PPP3CA: variants seen among roughly 807,000 people sequenced by gnomAD.
PPP3CA encodes the protein CAM-PRP catalytic subunit.
PPP3CA carries 14 observed loss-of-function variants against 66.5 expected under a neutral mutation model. The ratio of observed to expected loss-of-function variants is 0.21; its 90% CI spans 0.14 to 0.33. PPP3CA has a LOEUF of 0.33. Among genes scored for constraint, PPP3CA ranks in the 10% least tolerant of loss-of-function variants. PPP3CA has a pLI of 1.00. For missense variants in PPP3CA, 317 were observed against 639.5 expected (o/e 0.50, Z 5.44); for synonymous variants, 232 against 226.2 (o/e 1.03, Z -0.23).
intron 3 of PPP3CA, among the ~76,000 whole-genome samples, chr4:101,104,165 A>G (rs917873853): frequency 2.0e-5 from 3 of 152,168 alleles, no homozygotes; most frequent in Non-Finnish European, 4.4e-5. Flanking sequence ...GTAAAAATTA[A>G]ACTGAAGTGC....
intron 2 of PPP3CA, among the ~76,000 whole-genome samples, chr4:101,132,757 G>C (rs1430276439): frequency 1.3e-5 from 2 of 152,196 alleles, no homozygotes; most frequent in African/African-American, 4.8e-5. Flanking sequence ...TATGAGGCCA[G>C]CATCATCCTG....
At position 101,205,715 on chromosome 4, in the gene PPP3CA, T is replaced by C. The variant is rs534982200; in HGVS notation, c.59-9599A>G. ...ACACCTATAGGCATCAAAATCATTTTATTTAATGAATTGACTTTCTCTTCT... is the reference window on the plus strand; with the variant it reads ...ACACCTATAGGCATCAAAATCATTTCATTTAATGAATTGACTTTCTCTTCT... On this transcript the variant is annotated intron_variant, in intron 1 of 13. Transcript: ENST00000394854. Among the ~76,000 whole-genome samples the C allele has an allele frequency of 3.3e-5, 5 of 152,326 alleles. No homozygotes were observed. In the East Asian group the frequency reaches 7.7e-4, roughly 23 times the overall value.
At chr4:101,224,706 T>A (rs1725727622) in intron 1 of PPP3CA, among the ~76,000 whole-genome samples, 1 of 151,722 alleles carries the variant, frequency 6.6e-6, no homozygotes, top group Non-Finnish European at 1.5e-5. Flanking sequence ...ATATTCTGAA[T>A]AAATAAGGAA....
chr4:101,131,043 G>A (rs1722413039), intron 2 of PPP3CA, among the ~76,000 whole-genome samples: 1 of 151,904 alleles, frequency 6.6e-6, no homozygotes, highest in South Asian at 2.1e-4. Flanking sequence ...GCCTGGCCAG[G>A]CTGGCCAACC....
chr4:101,156,185 A>G lies in PPP3CA; in HGVS notation c.259+39731T>C, dbSNP rs151336026. ...GGTAAGCAATTCAGGAATGACTTGA[A>G]TAGTTCTTTTCAGTGAGTCAATCCC... On this transcript the variant is annotated intron_variant, in intron 2 of 13. Coordinates refer to ENST00000394854, the MANE Select transcript of PPP3CA (RefSeq NM_000944.5). Among the ~76,000 whole-genome samples, 30 of 152,342 alleles carry G rather than the reference A, an allele frequency of 2.0e-4. 1 individual carries two copies. The East Asian group carries it at 5.6e-3, about 28-fold the overall frequency.
At position 101,087,248 on chromosome 4, in the gene PPP3CA, T is replaced by C. The variant is rs183717613; in HGVS notation, c.783-3985A>G. On this transcript the variant is annotated intron_variant, in intron 6 of 13. Transcript: ENST00000394854. The stretch of plus-strand genomic sequence containing the variant: ...TCATTTTTGTCCAATGGGGATCAAG[T>C]CCTAAGGGGCCAACTCTTCCTGACA... 8.6e-4 allele frequency among the ~76,000 whole-genome samples: 131 copies of C among 151,476 alleles called. 1 individual carries two copies. Among genetic ancestry groups the C allele is most frequent in the African/African-American group, 2.9e-3 (117 of 40,766 alleles).
chr4:101,165,773 G>C (rs1723675700), intron 2 of PPP3CA, among the ~76,000 whole-genome samples: 2 of 152,102 alleles, frequency 1.3e-5, no homozygotes, highest in Admixed American at 1.3e-4. Flanking sequence ...ACATTACTGA[G>C]ATATACTCAA....
intron 1 of PPP3CA, among the ~76,000 whole-genome samples, chr4:101,199,901 A>G (rs1252004126): frequency 6.6e-6 from 1 of 152,220 alleles, no homozygotes; most frequent in Non-Finnish European, 1.5e-5. Context: ...CTATTATTAA[A>G]GCTGTTGTCA....
At chr4:101,115,320 G>C (rs1276598990) in intron 2 of PPP3CA, among the ~76,000 whole-genome samples, 2 of 151,802 alleles carry the variant, frequency 1.3e-5, no homozygotes, top group African/African-American at 4.8e-5. Context: ...AAAGGAGAGA[G>C]GACAGGTCAG....
At chr4:101,330,718 T>C (rs1324134146) in intron 1 of PPP3CA, among the ~76,000 whole-genome samples, 1 of 152,050 alleles carries the variant, frequency 6.6e-6, no homozygotes, top group Non-Finnish European at 1.5e-5. Flanking sequence ...ATCTCTAAAA[T>C]ATGCCTGTAT....
chr4:101,050,230 C>G (rs1466637925), intron 10 of PPP3CA, among the ~76,000 whole-genome samples: 1 of 152,076 alleles, frequency 6.6e-6, no homozygotes, highest in Non-Finnish European at 1.5e-5. Flanking sequence ...AGTAGAGCAG[C>G]TGAGGCAAAC....
intron 1 of PPP3CA, among the ~76,000 whole-genome samples, chr4:101,280,364 A>G (rs1727640693): frequency 6.6e-6 from 1 of 152,162 alleles, no homozygotes; most frequent in South Asian, 2.1e-4. Flanking sequence ...TTTCTTTTTT[A>G]AATAAATATC....
rs1578619783 is a variant in PPP3CA at position 101,275,902 on chromosome 4, TTTG to T, written c.58+70834_58+70836del. 4.0e-5 allele frequency among the ~76,000 whole-genome samples: 6 copies of T among 151,108 alleles called. No homozygotes were observed. In the East Asian group the frequency reaches 1.2e-3, roughly 30 times the overall value. ...TTGTTTGTTTGTTTGTTTTTTGTTT[TTTG>T]TTTTTTTTTGAGACAGGGTCCAGCT... is the stretch of plus-strand genomic sequence containing the variant. On this transcript the variant is annotated intron_variant, in intron 1 of 13. Coordinates refer to ENST00000394854, the MANE Select transcript of PPP3CA (RefSeq NM_000944.5).
intron 2 of PPP3CA, among the ~76,000 whole-genome samples, chr4:101,163,851 GGC>G (rs1723600563): frequency 6.6e-6 from 1 of 151,964 alleles, no homozygotes; most frequent in African/African-American, 2.4e-5. Flanking sequence ...TAGCTCCTCA[GGC>G]ACTATACTGA....
chr4:101,317,410 G>A (rs1023913542), intron 1 of PPP3CA, among the ~76,000 whole-genome samples: 1 of 151,918 alleles, frequency 6.6e-6, no homozygotes, highest in Non-Finnish European at 1.5e-5. Flanking sequence ...AAAAATAAAC[G>A]AAGTTCCTTA....
At chr4:101,033,226 A>G (rs1727071977) in intron 11 of PPP3CA, among the ~76,000 whole-genome samples, 1 of 152,136 alleles carries the variant, frequency 6.6e-6, no homozygotes, top group Non-Finnish European at 1.5e-5. Flanking sequence ...GTATATATAC[A>G]CATATACACA....
intron 3 of PPP3CA, among the ~76,000 whole-genome samples, chr4:101,106,485 G>T (rs1270058537): frequency 1.6e-5 from 1 of 61,952 alleles, no homozygotes; most frequent in African/African-American, 1.3e-4. Flanking sequence ...GAAAAGAAAA[G>T]AAAAGAAAAG....
At chr4:101,070,827 T>C (rs561510787) in intron 8 of PPP3CA, among the ~76,000 whole-genome samples, 1 of 152,334 alleles carries the variant, frequency 6.6e-6, no homozygotes, top group Admixed American at 6.5e-5. Flanking sequence ...TCTTTGTATG[T>C]AGCTCAAGTC....
intron 10 of PPP3CA, among the ~76,000 whole-genome samples, chr4:101,048,646 A>G (rs1363661588): frequency 6.6e-6 from 1 of 152,116 alleles, no homozygotes; most frequent in Non-Finnish European, 1.5e-5. Flanking sequence ...ATTACAAACT[A>G]AAATATTTAG....
Sources: gnomAD v4.1 joint callset for allele counts (sites outside exome capture counted in the v4.1 genomes callset) on GRCh38, gnomAD v4.1.1 for gene constraint, MANE v1.5 for transcripts, NCBI Gene and HGNC (gene_info 2026-07-23, HGNC 2026-07-21) for gene names.